Variants in ASTN1 observed in about 807,000 individuals in gnomAD.
The protein encoded by ASTN1 is astrotactin 1.
In ASTN1, 41 loss-of-function variants were observed where a neutral mutation model predicts 140.7. That is an observed-to-expected ratio of 0.29 (90% CI 0.23 to 0.38). The LOEUF is 0.38. Ranked by LOEUF, ASTN1 falls within the 10% of genes least tolerant of loss-of-function variation. ASTN1 has a pLI of 1.00. For synonymous variants in ASTN1, 640 were observed against 652.2 expected, an observed-to-expected ratio of 0.98 and a Z score of 0.29; for missense variants, 1,479 against 1,678.8, an observed-to-expected ratio of 0.88 and a Z score of 2.08.
chr1:176,987,776 A>G (rs1321378327), intron 8 of ASTN1, among the ~76,000 whole-genome samples: 1 of 152,214 alleles, frequency 6.6e-6, no homozygotes, highest in Admixed American at 6.5e-5. Context: ...GAGAGCAGTT[A>G]GGAAGATGTT....
intron 1 of ASTN1, among the ~76,000 whole-genome samples, chr1:177,147,121 A>G (rs989145257): frequency 6.6e-6 from 1 of 152,172 alleles, no homozygotes; most frequent in African/African-American, 2.4e-5. Flanking sequence ...CTGCTAAGAC[A>G]CCAACAGTTT....
chr1:177,129,777 G>T (rs910395568), intron 1 of ASTN1, among the ~76,000 whole-genome samples: 23 of 152,046 alleles, frequency 1.5e-4, no homozygotes, highest in African/African-American at 4.8e-4. Context: ...GACCATCCTG[G>T]CTAACACGGT....
intron 1 of ASTN1, among the ~76,000 whole-genome samples, chr1:177,124,172 A>G (rs1681530177): frequency 6.6e-6 from 1 of 152,260 alleles, no homozygotes; most frequent in African/African-American, 2.4e-5. Context: ...TAGGATGAGT[A>G]CATCAGCTTC....
chr1:176,956,112 A>C (rs1038548491), intron 11 of ASTN1, among the ~76,000 whole-genome samples: 9 of 152,036 alleles, frequency 5.9e-5, no homozygotes, highest in African/African-American at 2.2e-4. Flanking sequence ...TGGGACATCA[A>C]CTTCCCCCTT....
chr1:177,108,118 G>A (rs1374198049), intron 1 of ASTN1, among the ~76,000 whole-genome samples: 1 of 152,060 alleles, frequency 6.6e-6, no homozygotes, highest in Non-Finnish European at 1.5e-5. Flanking sequence ...GGGAAGCTGA[G>A]GTGGGCAGAT....
intron 1 of ASTN1, among the ~76,000 whole-genome samples, chr1:177,145,147 T>G (rs1341048852): frequency 1.3e-5 from 2 of 152,152 alleles, no homozygotes; most frequent in Non-Finnish European, 2.9e-5. Flanking sequence ...AAAATCAACT[T>G]TCAGCTCCGT....
chr1:177,030,811 G>A lies in ASTN1; in HGVS notation c.1007C>T (p.Ala336Val). 3 of 1,614,092 alleles carry A rather than the reference G, an allele frequency of 1.9e-6. No homozygotes were observed. Among genetic ancestry groups the A allele is most frequent in the Non-Finnish European group, 2.5e-6 (3 of 1,179,972 alleles). The change falls in exon 4 of 23, where the codon GCA (alanine) becomes GTA (valine). Residue 336 changes from alanine to valine, a missense_variant. Physicochemically the swap from Ala to Val is moderately conservative, Grantham distance 64. Coordinates refer to ENST00000361833, the MANE Select transcript of ASTN1 (RefSeq NM_004319.3). ...CTAATGTCAGACATGCATACCTCTTGCTTTGTTGTTGATCCGCTTTCTCTG... is the reference window on the plus strand; with the variant it reads ...CTAATGTCAGACATGCATACCTCTTACTTTGTTGTTGATCCGCTTTCTCTG... ...SSQRKRINNK[A>V]RAGSAFLNPE...
chr1:176,876,698 T>A, intron 20 of ASTN1, 61 bp from the exon 21 acceptor site: 2 of 1,530,488 alleles, frequency 1.3e-6, no homozygotes, highest in East Asian at 4.6e-5. Context: ...TAGATCTCTG[T>A]GGCCCTAGCT....
intron 16 of ASTN1, among the ~76,000 whole-genome samples, chr1:176,909,827 G>C (rs183190674): frequency 3.3e-5 from 5 of 152,106 alleles, no homozygotes; most frequent in Admixed American, 2.0e-4. Flanking sequence ...TCTTTCCACT[G>C]TCTAAGTCTG....
At chr1:176,937,828 T>C (rs991381479) in intron 14 of ASTN1, among the ~76,000 whole-genome samples, 1 of 152,180 alleles carries the variant, frequency 6.6e-6, no homozygotes, top group Non-Finnish European at 1.5e-5. Flanking sequence ...TGTAGTGAAT[T>C]ATCCTGCCAT....
In ASTN1 at chr1:176,876,641, G is replaced by A. The variant is rs1386439703; in HGVS notation, c.3363-4C>T. On this transcript the variant is annotated splice_polypyrimidine_tract_variant and splice_region_variant and intron_variant, in intron 20 of 22. Coordinates refer to ENST00000361833, the MANE Select transcript of ASTN1 (RefSeq NM_004319.3). The stretch of plus-strand genomic sequence containing the variant: ...GTCCACTCCCCACAGCGTGAACCTG[G>A]CAGGGAGTGGGAGGGCATGGTTAGC... 3.7e-6 allele frequency: 6 copies of A among 1,613,802 alleles called. No homozygotes were observed. The African/African-American group carries it at 4.0e-5, about 11-fold the overall frequency.
At chr1:177,149,653 C>CTGTATATATATAGTAAATATATATACAG (rs1682935762) in intron 1 of ASTN1, among the ~76,000 whole-genome samples, 4 of 71,454 alleles carry the variant, frequency 5.6e-5, no homozygotes, top group Non-Finnish European at 8.4e-5. Flanking sequence ...TATATATACA[C>CTGTATATATATAGTAAATATATATACAG]TGTATATATA....
chr1:176,944,298 C>T (rs1671862151), intron 13 of ASTN1, among the ~76,000 whole-genome samples: 1 of 152,120 alleles, frequency 6.6e-6, no homozygotes, highest in Non-Finnish European at 1.5e-5. Flanking sequence ...CTCACTCTGT[C>T]ACCCAGGTTG....
intron 9 of ASTN1, among the ~76,000 whole-genome samples, chr1:176,958,953 G>C (rs1470683046): frequency 6.6e-6 from 1 of 152,170 alleles, no homozygotes; most frequent in Non-Finnish European, 1.5e-5. Flanking sequence ...CAGCTTCTGT[G>C]TGATGGGAAC....
downstream of ASTN1, among the ~76,000 whole-genome samples, chr1:176,860,713 AG>A (rs1484006726): frequency 6.6e-6 from 1 of 152,182 alleles, no homozygotes; most frequent in Non-Finnish European, 1.5e-5. Context: ...TGTGGTGACA[AG>A]TTCAATGCCT....
chr1:176,928,501 G>C (rs966226459), intron 16 of ASTN1, among the ~76,000 whole-genome samples: 1 of 152,180 alleles, frequency 6.6e-6, no homozygotes, highest in African/African-American at 2.4e-5. Flanking sequence ...AGAGCTGTGA[G>C]AGCATAAAAT....
At chr1:177,089,841 A>C (rs911934241) in intron 1 of ASTN1, among the ~76,000 whole-genome samples, 1 of 152,198 alleles carries the variant, frequency 6.6e-6, no homozygotes, top group African/African-American at 2.4e-5. Flanking sequence ...ATGAGAAGTC[A>C]CTGACATTGG....
chr1:177,022,087 C>G (rs371524386), intron 7 of ASTN1, among the ~76,000 whole-genome samples: 1 of 152,146 alleles, frequency 6.6e-6, no homozygotes. Context: ...ACTTTAACAC[C>G]TAAGATGGTG....
intron 11 of ASTN1, among the ~76,000 whole-genome samples, chr1:176,949,650 A>G (rs1672111998): frequency 6.6e-6 from 1 of 152,174 alleles, no homozygotes; most frequent in Non-Finnish European, 1.5e-5. Context: ...TGGCCTCCCA[A>G]ATGGGCCTCT....
Sources: gnomAD v4.1 joint callset for allele counts (sites outside exome capture counted in the v4.1 genomes callset) on GRCh38, gnomAD v4.1.1 for gene constraint, MANE v1.5 for transcripts, NCBI Gene and HGNC (gene_info 2026-07-23, HGNC 2026-07-21) for gene names.